Variants in GALNT18 observed in about 807,000 individuals in gnomAD.
GALNT18 encodes the protein polypeptide N-acetylgalactosaminyltransferase 18, also known as GalNAc-transferase 18.
A neutral mutation model predicts 69.5 loss-of-function variants in GALNT18; 44 were observed. The observed-to-expected ratio is 0.63, with a 90% CI of 0.50 to 0.81. The LOEUF is 0.81. Among genes scored for constraint, GALNT18 ranks in the 40% least tolerant of loss-of-function variants. The pLI, the probability that GALNT18 is intolerant of heterozygous loss-of-function variation, is 0.00. For synonymous variants in GALNT18, 364 were observed against 318.2 expected (o/e 1.14, Z -1.53); for missense variants, 715 against 810.0 (o/e 0.88, Z 1.42).
rs1011658785 is a variant in GALNT18 at position 11,421,321 on chromosome 11, G to A, written c.595+11300C>T. On this transcript the variant is annotated intron_variant, in intron 3 of 10. Transcript: ENST00000227756. The surrounding 1 kb of genome is among the most constrained non-coding windows in gnomAD (Gnocchi z 5.6). ...CTGGGGCTGGTCCACAAAGAGGCGG[G>A]TGACTCAAGAGCTGATATACTTAGG... Among the ~76,000 whole-genome samples the A allele has an allele frequency of 6.6e-6, 1 of 152,114 alleles. No homozygotes were observed. The highest frequency in any genetic ancestry group is 1.5e-5 in the Non-Finnish European group (1 of 68,026).
rs1464412836 is a variant in GALNT18, at chr11:11,604,395, C to T, written c.235+16964G>A. 1.3e-5 allele frequency among the ~76,000 whole-genome samples: 2 copies of T among 152,204 alleles called. No individual in the cohort carries two copies. The highest frequency in any genetic ancestry group is 2.9e-5 in the Non-Finnish European group (2 of 68,048). ...AGTGAAGTGAGGCAGGCTCACTATT[C>T]AGGTAGCCCATTCCTGATCCCACAC... On this transcript the variant is annotated intron_variant, in intron 1 of 10. Coordinates refer to ENST00000227756, the MANE Select transcript of GALNT18 (RefSeq NM_198516.3). This position sits in a 1 kb window ranked among gnomAD's most constrained non-coding sequence, Gnocchi z 5.6.
chr11:11,291,151 C>T (rs915196052), intron 10 of GALNT18, among the ~76,000 whole-genome samples: 1 of 152,150 alleles, frequency 6.6e-6, no homozygotes, highest in Admixed American at 6.5e-5. Context: ...ATGAAGGCTT[C>T]TGCTAGGCAC....
intron 10 of GALNT18, 108 bp from the exon 11 acceptor site, chr11:11,271,398 A>T (rs35408328): frequency 1.8e-6 from 2 of 1,139,454 alleles, no homozygotes; most frequent in Admixed American, 1.9e-5. Context: ...CTGTGTGGCC[A>T]GATCCCAGGA....
chr11:11,361,157 G>A (rs1850636620), intron 6 of GALNT18, among the ~76,000 whole-genome samples: 2 of 152,222 alleles, frequency 1.3e-5, no homozygotes, highest in Non-Finnish European at 2.9e-5. Flanking sequence ...ATGTTTGAAG[G>A]ATGAATGAAT....
At chr11:11,524,347 C>A (rs1250416309) in intron 1 of GALNT18, among the ~76,000 whole-genome samples, 1 of 152,150 alleles carries the variant, frequency 6.6e-6, no homozygotes, top group Non-Finnish European at 1.5e-5. Context: ...CATTTATCTG[C>A]CCTCCTTCTC....
intron 1 of GALNT18, among the ~76,000 whole-genome samples, chr11:11,486,357 T>G (rs148600315): frequency 6.6e-6 from 1 of 152,250 alleles, no homozygotes; most frequent in Non-Finnish European, 1.5e-5. Context: ...GAATATTGGG[T>G]TTCTGTGAAA....
chr11:11,379,295 G>T, intron 3 of GALNT18, 31 bp from the exon 4 acceptor site: 2 of 1,596,016 alleles, frequency 1.3e-6, no homozygotes, highest in Middle Eastern at 1.9e-4. Context: ...CCTTAGCATG[G>T]GAGGGAGGTC....
chr11:11,599,841 T>C (rs958727258), intron 1 of GALNT18, among the ~76,000 whole-genome samples: 1 of 152,034 alleles, frequency 6.6e-6, no homozygotes, highest in Non-Finnish European at 1.5e-5. Flanking sequence ...TATGAATACA[T>C]TGTAAAGTGA....
Position 11,562,925 on chromosome 11 carries a change from C to G in GALNT18, c.235+58434G>C, listed in dbSNP as rs978392333. Among the ~76,000 whole-genome samples, 3 of 152,200 alleles carry G rather than the reference C, an allele frequency of 2.0e-5. No homozygotes were observed. The highest frequency in any genetic ancestry group is 2.9e-5 in the Non-Finnish European group (2 of 68,030). On this transcript the variant is annotated intron_variant, in intron 1 of 10. Transcript: ENST00000227756. The surrounding 1 kb of genome is among the most constrained non-coding windows in gnomAD (Gnocchi z 4.1). ...CTGCCTCAGGCTTCATTCAGCACCC[C>G]CACAGCCCTCAAGTTCACAGATCGG...
chr11:11,614,041 G>C lies in GALNT18; in HGVS notation c.235+7318C>G, dbSNP rs1037531192. Among the ~76,000 whole-genome samples, 8 of 152,152 alleles carry C rather than the reference G, an allele frequency of 5.3e-5. No homozygotes were observed. Among genetic ancestry groups the C allele is most frequent in the African/African-American group, 1.9e-4 (8 of 41,422 alleles). On this transcript the variant is annotated intron_variant, in intron 1 of 10. Transcript: ENST00000227756. This position sits in a 1 kb window ranked among gnomAD's most constrained non-coding sequence, Gnocchi z 5.6. ...CCTGTCTGTCCCCATCTCCCAGATA[G>C]AACCCAGCTAACAAAAAGCCAAGCT...
At chr11:11,429,044 G>GA (rs1855205778) in intron 3 of GALNT18, among the ~76,000 whole-genome samples, 1 of 152,084 alleles carries the variant, frequency 6.6e-6, no homozygotes, top group Non-Finnish European at 1.5e-5. Context: ...AATCCTCGAG[G>GA]AAAAATCTCC....
rs564537444 is a variant in GALNT18, at chr11:11,318,098, G to C, written c.1512+8988C>G. 6.6e-6 allele frequency among the ~76,000 whole-genome samples: 1 copy of C among 152,274 alleles called. No individual in the cohort carries two copies. Among genetic ancestry groups the C allele is most frequent in the African/African-American group, 2.4e-5 (1 of 41,542 alleles). On this transcript the variant is annotated intron_variant, in intron 9 of 10. Transcript: ENST00000227756. This position sits in a 1 kb window ranked among gnomAD's most constrained non-coding sequence, Gnocchi z 5.1. ...CTTGCTACCCCTCTGAGTCAGGCAGGGCCATGTTACCATGTCTGGCCAGTG... is the reference window on the plus strand; with the variant it reads ...CTTGCTACCCCTCTGAGTCAGGCAGCGCCATGTTACCATGTCTGGCCAGTG...
At chr11:11,522,051 G>A (rs190393977) in intron 1 of GALNT18, among the ~76,000 whole-genome samples, 3 of 152,106 alleles carry the variant, frequency 2.0e-5, no homozygotes, top group African/African-American at 7.2e-5. Context: ...GAAGACCCTA[G>A]AGCCATGTCA....
At chr11:11,278,808 TTAA>T (rs781520519) in intron 10 of GALNT18, among the ~76,000 whole-genome samples, 42 of 152,296 alleles carry the variant, frequency 2.8e-4, no homozygotes, top group Non-Finnish European at 3.4e-4. Context: ...GTAACTATAA[TTAA>T]TAATAATTTA....
At chr11:11,503,826 C>T (rs1167024383) in intron 1 of GALNT18, among the ~76,000 whole-genome samples, 4 of 152,118 alleles carry the variant, frequency 2.6e-5, no homozygotes, top group Admixed American at 2.0e-4. Context: ...GTGTACAATC[C>T]GATGAATTTT....
chr11:11,367,779 C>T (rs184857486), intron 6 of GALNT18, among the ~76,000 whole-genome samples: 36 of 152,314 alleles, frequency 2.4e-4, no homozygotes, highest in Non-Finnish European at 4.4e-4. Flanking sequence ...TGAGAAGTTG[C>T]CTATTTCAGT....
At chr11:11,298,630 C>T (rs932540257) in intron 9 of GALNT18, among the ~76,000 whole-genome samples, 1 of 152,220 alleles carries the variant, frequency 6.6e-6, no homozygotes, top group Non-Finnish European at 1.5e-5. Context: ...CTACCAGGGC[C>T]GTTCCCACCA....
intron 1 of GALNT18, among the ~76,000 whole-genome samples, chr11:11,493,019 T>C (rs1856803371): frequency 6.6e-6 from 1 of 152,002 alleles, no homozygotes; most frequent in African/African-American, 2.4e-5. Context: ...TCCCAGCACT[T>C]TGGGAGGCCG....
Position 11,620,969 on chromosome 11 carries a change from G to A in GALNT18, c.235+390C>T, listed in dbSNP as rs915391075. Among the ~76,000 whole-genome samples, 3 of 150,606 alleles carry A rather than the reference G, an allele frequency of 2.0e-5. No individual in the cohort carries two copies. The highest frequency in any genetic ancestry group is 4.9e-5 in the African/African-American group (2 of 40,942). Reference sequence around the variant, plus strand: ...TGGCCAAAAAAGCTCGTTTGCCCGCGCGTTCCCTCTTGTACACACACAGAC... The same window carrying A: ...TGGCCAAAAAAGCTCGTTTGCCCGCACGTTCCCTCTTGTACACACACAGAC... On this transcript the variant is annotated intron_variant, in intron 1 of 10. Coordinates refer to ENST00000227756, the MANE Select transcript of GALNT18 (RefSeq NM_198516.3). This position sits in a 1 kb window ranked among gnomAD's most constrained non-coding sequence, Gnocchi z 6.9.
Sources: gnomAD v4.1 joint callset for allele counts (sites outside exome capture counted in the v4.1 genomes callset) on GRCh38, gnomAD v4.1.1 for gene constraint, Gnocchi (gnomAD v3.1) non-coding constraint, MANE v1.5 for transcripts, NCBI Gene and HGNC (gene_info 2026-07-23, HGNC 2026-07-21) for gene names.